Variants in KIF16B observed in about 807,000 individuals in gnomAD.
KIF16B encodes kinesin family member 16B.
KIF16B carries 98 observed loss-of-function variants against 156.3 expected under a neutral mutation model. The ratio of observed to expected loss-of-function variants is 0.63; its 90% CI spans 0.53 to 0.74. The LOEUF is 0.74. KIF16B is among the 30% of genes least tolerant of loss of function. KIF16B has a pLI of 0.00. For synonymous variants in KIF16B, 564 were observed against 583.7 expected, an observed-to-expected ratio of 0.97 and a Z score of 0.49; for missense variants, 1,421 against 1,606.5, an observed-to-expected ratio of 0.88 and a Z score of 1.97.
At chr20:16,546,752 C>A (rs764624567) in intron 1 of KIF16B, among the ~76,000 whole-genome samples, 3 of 152,096 alleles carry the variant, frequency 2.0e-5, no homozygotes, top group Non-Finnish European at 2.9e-5. Flanking sequence ...CACAAAAATT[C>A]TTTCACTTAT....
chr20:16,290,330 A>ACT (rs2063296199), intron 25 of KIF16B, among the ~76,000 whole-genome samples: 2 of 152,232 alleles, frequency 1.3e-5, no homozygotes, highest in Admixed American at 1.3e-4. Flanking sequence ...TGCATCGAGA[A>ACT]CACTCAATGA....
chr20:16,334,638 T>C (rs2064003694), intron 24 of KIF16B, among the ~76,000 whole-genome samples: 1 of 152,192 alleles, frequency 6.6e-6, no homozygotes, highest in South Asian at 2.1e-4. Flanking sequence ...GTGTTGGATC[T>C]TGAGGGCAGA....
intron 24 of KIF16B, among the ~76,000 whole-genome samples, chr20:16,326,967 T>TAC (rs1447324373): frequency 6.6e-6 from 1 of 150,696 alleles, no homozygotes; most frequent in South Asian, 2.1e-4. Context: ...ATGTTATATA[T>TAC]ATATATATAA....
chr20:16,291,547 G>T (rs763175378), intron 25 of KIF16B, among the ~76,000 whole-genome samples: 1 of 152,196 alleles, frequency 6.6e-6, no homozygotes, highest in Admixed American at 6.5e-5. Flanking sequence ...TTAAAACAAA[G>T]TACTGGCAAA....
intron 24 of KIF16B, among the ~76,000 whole-genome samples, chr20:16,326,792 C>T (rs1341246295): frequency 6.6e-6 from 1 of 151,810 alleles, no homozygotes; most frequent in Non-Finnish European, 1.5e-5. Context: ...AAAAGTAGAT[C>T]TGCCATTTGA....
Position 16,356,418 on chromosome 20 carries a change from T to A in KIF16B, c.3533A>T (p.Asp1178Val), listed in dbSNP as rs1170472387. ...MVSRSLGANP[D>V]DLKDPIKISI... is the part of the protein sequence containing the mutation. The stretch of plus-strand genomic sequence containing the variant: ...AATTTTAATTGGGTCCTTCAGGTCA[T>A]CTGGATTTGCGCCCAAAGAGCGAGA... Residue 1178 changes from aspartate to valine, a missense_variant, in exon 23 of 26, where the codon GAT (aspartate) becomes GTT (valine). Coordinates refer to ENST00000354981, the MANE Select transcript of KIF16B (RefSeq NM_024704.5). 1.9e-6 allele frequency: 3 copies of A among 1,614,172 alleles called. No individual in the cohort carries two copies. The highest frequency in any genetic ancestry group is 1.3e-5 in the African/African-American group (1 of 75,060).
chr20:16,551,180 G>A (rs2070646092), intron 1 of KIF16B, among the ~76,000 whole-genome samples: 4 of 145,908 alleles, frequency 2.7e-5, no homozygotes, highest in Admixed American at 2.1e-4. Flanking sequence ...TGCCTAGGCT[G>A]GAGTGCAATG....
intron 17 of KIF16B, among the ~76,000 whole-genome samples, chr20:16,398,621 C>T (rs2065572548): frequency 6.6e-6 from 1 of 152,204 alleles, no homozygotes; most frequent in Non-Finnish European, 1.5e-5. Context: ...AAAATCTGTC[C>T]TACATGTTCT....
At chr20:16,308,210 C>T (rs372990086) in intron 25 of KIF16B, among the ~76,000 whole-genome samples, 1 of 152,036 alleles carries the variant, frequency 6.6e-6, no homozygotes, top group Non-Finnish European at 1.5e-5. Context: ...CCTTAAACAA[C>T]GAAAACAAGA....
At chr20:16,539,112 C>G (rs1071913) in intron 1 of KIF16B, among the ~76,000 whole-genome samples, 80,075 of 151,542 alleles carry the variant, frequency 0.53, 21,264 homozygotes, top group Non-Finnish European at 0.55. Flanking sequence ...TTAGAGTAAT[C>G]CAAGAATGGC....
At chr20:16,391,849 C>T (rs995420583) in intron 17 of KIF16B, among the ~76,000 whole-genome samples, 1 of 152,158 alleles carries the variant, frequency 6.6e-6, no homozygotes, top group Non-Finnish European at 1.5e-5. Context: ...GAGATCCCCA[C>T]CTGGCTGACC....
chr20:16,326,692 G>C (rs2063856486), intron 24 of KIF16B, among the ~76,000 whole-genome samples: 1 of 151,864 alleles, frequency 6.6e-6, no homozygotes, highest in African/African-American at 2.4e-5. Flanking sequence ...GCATGGATGT[G>C]GTAAAAAGGG....
chr20:16,374,191 C>T, intron 20 of KIF16B, 66 bp downstream of exon 20: 1 of 1,411,380 alleles, frequency 7.1e-7, no homozygotes, highest in Non-Finnish European at 9.4e-7. Flanking sequence ...AGTAGTTCAA[C>T]AGAGAAACAA....
In KIF16B at chr20:16,404,862, G is replaced by A. The variant is rs775028390; in HGVS notation, c.1735C>T (p.Leu579Phe). 1.2e-5 allele frequency: 20 copies of A among 1,613,548 alleles called. No individual in the cohort carries two copies. Among genetic ancestry groups the A allele is most frequent in the Non-Finnish European group, 1.7e-5 (20 of 1,179,684 alleles). The change falls in exon 17 of 26, where the codon CTC (leucine) becomes TTC (phenylalanine). Residue 579 changes from leucine (L) to phenylalanine (F), a missense_variant. Leu to Phe is a conservative substitution (Grantham distance 22). Transcript: ENST00000354981. Reference protein sequence around the residue: ...LSSFSLSMTDLSKSRENLSAV... With the variant: ...LSSFSLSMTDFSKSRENLSAV... ...GACAGGTTCTCACGGGACTTCGAGA[G>A]GTCGGTCATGGACAAGCTGAAGGAG...
chr20:16,291,582 TC>T (rs1446212047), intron 25 of KIF16B, among the ~76,000 whole-genome samples: 1 of 152,146 alleles, frequency 6.6e-6, no homozygotes, highest in East Asian at 1.9e-4. Flanking sequence ...ATGCCCCTGA[TC>T]AAAGGGAAAT....
At chr20:16,312,036 T>C (rs1346143113) in intron 25 of KIF16B, among the ~76,000 whole-genome samples, 2 of 152,244 alleles carry the variant, frequency 1.3e-5, no homozygotes, top group South Asian at 2.1e-4. Context: ...CTGTATCACA[T>C]ACCATCTGTC....
At chr20:16,286,025 A>G (rs958920037) in intron 25 of KIF16B, among the ~76,000 whole-genome samples, 1 of 152,344 alleles carries the variant, frequency 6.6e-6, no homozygotes, top group Admixed American at 6.5e-5. Flanking sequence ...ATTAATGAAC[A>G]CGTAGGCTGT....
chr20:16,345,232 T>C (rs1046198272), intron 23 of KIF16B, among the ~76,000 whole-genome samples: 1 of 152,248 alleles, frequency 6.6e-6, no homozygotes, highest in Admixed American at 6.5e-5. Context: ...CACACTTAAT[T>C]GTCTCCTGAA....
intron 12 of KIF16B, among the ~76,000 whole-genome samples, chr20:16,442,699 G>C (rs866754137): frequency 3.9e-5 from 6 of 152,068 alleles, no homozygotes; most frequent in Non-Finnish European, 7.3e-5. Flanking sequence ...ACCACCAGCA[G>C]CGGCAAAATG....
Sources: allele counts gnomAD v4.1 joint callset (sites outside exome capture counted in the v4.1 genomes callset), GRCh38; gene constraint gnomAD v4.1.1; transcripts MANE v1.5; gene names NCBI Gene and HGNC (gene_info 2026-07-23, HGNC 2026-07-21).